SPIDR: variants seen among roughly 807,000 people sequenced by gnomAD.
SPIDR encodes DNA repair-scaffolding protein.
In SPIDR, 93 loss-of-function variants were observed where a neutral mutation model predicts 104.6. The observed-to-expected ratio is 0.89, with a 90% confidence interval of 0.75 to 1.06. The LOEUF is 1.06. SPIDR is among the 50% of genes least tolerant of loss of function. The pLI is 0.00. For missense variants in SPIDR, 1,154 were observed against 1,111.2 expected (o/e 1.04, Z -0.55); for synonymous variants, 431 against 416.9 (o/e 1.03, Z -0.41).
At chr8:47,659,218 C>G (rs1265530200) in intron 10 of SPIDR, among the ~76,000 whole-genome samples, 1 of 152,132 alleles carries the variant, frequency 6.6e-6, no homozygotes, top group Non-Finnish European at 1.5e-5. Flanking sequence ...GAGATGACAG[C>G]ACGGTACTCC....
chr8:47,442,300 T>C (rs1468055051), intron 8 of SPIDR, among the ~76,000 whole-genome samples: 1 of 152,206 alleles, frequency 6.6e-6, no homozygotes, highest in African/African-American at 2.4e-5. Flanking sequence ...CTTCCAGGAT[T>C]TTTAAATTCT....
intron 7 of SPIDR, among the ~76,000 whole-genome samples, chr8:47,423,347 C>T (rs575260405): frequency 2.0e-5 from 3 of 150,724 alleles, no homozygotes; most frequent in African/African-American, 7.3e-5. Flanking sequence ...TGGCTCATGT[C>T]TGTAATCCCA....
At chr8:47,373,886 T>G (rs969444803) in intron 5 of SPIDR, among the ~76,000 whole-genome samples, 1 of 152,254 alleles carries the variant, frequency 6.6e-6, no homozygotes, top group Non-Finnish European at 1.5e-5. Context: ...AAATAAGTTG[T>G]GGTAAGTACT....
intron 10 of SPIDR, 162 bp from the exon 11 acceptor site, chr8:47,673,639 T>G: frequency 3.2e-6 from 3 of 930,958 alleles, no homozygotes; most frequent in East Asian, 2.5e-5. Flanking sequence ...CTACAGTGGA[T>G]TTCTTTTTTT....
intron 16 of SPIDR, among the ~76,000 whole-genome samples, chr8:47,726,118 A>G (rs2084199109): frequency 6.6e-6 from 1 of 152,242 alleles, no homozygotes; most frequent in Non-Finnish European, 1.5e-5. Flanking sequence ...TTCCAGCTGC[A>G]TTACGAGCCT....
intron 8 of SPIDR, among the ~76,000 whole-genome samples, chr8:47,553,593 A>G (rs945666372): frequency 6.6e-6 from 1 of 152,190 alleles, no homozygotes; most frequent in Non-Finnish European, 1.5e-5. Flanking sequence ...TTTCAGCTCC[A>G]TCAGATCATG....
chr8:47,654,294 C>T, intron 10 of SPIDR: 1 of 597,082 alleles, frequency 1.7e-6, no homozygotes, highest in Non-Finnish European at 2.7e-6. Context: ...GGAAGGGCCA[C>T]AAGCAAGGCA....
intron 8 of SPIDR, among the ~76,000 whole-genome samples, chr8:47,594,194 TA>T (rs2061388268): frequency 2.7e-5 from 1 of 36,378 alleles, no homozygotes; most frequent in Non-Finnish European, 4.4e-5. Flanking sequence ...ACCCAGTCTC[TA>T]CAAAAAAAAA....
intron 8 of SPIDR, among the ~76,000 whole-genome samples, chr8:47,447,681 C>T (rs1435361336): frequency 6.6e-6 from 1 of 152,156 alleles, no homozygotes; most frequent in Non-Finnish European, 1.5e-5. Flanking sequence ...TGCCATCAAA[C>T]AGTATCTCAT....
intron 8 of SPIDR, among the ~76,000 whole-genome samples, chr8:47,533,511 A>G (rs2086370367): frequency 6.6e-6 from 1 of 152,218 alleles, no homozygotes; most frequent in South Asian, 2.1e-4. Flanking sequence ...AAATATTTGC[A>G]AACTATGCAT....
intron 7 of SPIDR, among the ~76,000 whole-genome samples, chr8:47,408,686 A>G (rs543993516): frequency 6.6e-6 from 1 of 152,360 alleles, no homozygotes; most frequent in Non-Finnish European, 1.5e-5. Flanking sequence ...TCTTATATCT[A>G]GAAAACCCTA....
intron 14 of SPIDR, among the ~76,000 whole-genome samples, chr8:47,706,086 A>T (rs1375311514): frequency 6.6e-6 from 1 of 152,130 alleles, no homozygotes; most frequent in Non-Finnish European, 1.5e-5. Flanking sequence ...CCACACCCAC[A>T]GTAACCACAG....
chr8:47,547,449 A>G, intron 8 of SPIDR: 1 of 230,670 alleles, frequency 4.3e-6, no homozygotes, highest in Non-Finnish European at 8.6e-6. Flanking sequence ...TATTTTTGAG[A>G]TGGAGTCTCG....
intron 8 of SPIDR, among the ~76,000 whole-genome samples, chr8:47,488,423 A>G (rs1554733793): frequency 1.3e-5 from 2 of 152,234 alleles, no homozygotes; most frequent in African/African-American, 4.8e-5. Flanking sequence ...TACCAGAGGT[A>G]CAAGGAGGAG....
intron 8 of SPIDR, among the ~76,000 whole-genome samples, chr8:47,539,737 CT>C (rs2087730264): frequency 6.6e-6 from 1 of 150,972 alleles, no homozygotes; most frequent in Non-Finnish European, 1.5e-5. Context: ...AGGTCCTTCA[CT>C]TTTCTTCTTA....
rs182004774 is a variant in SPIDR, at chr8:47,475,016, T to C, written c.1097+34474T>C. ...CCAATTCTGTTATGTTGCTTTAAGC[T>C]CCTTTAGACCTCTGGTGAAGCAGCT... is the stretch of plus-strand genomic sequence containing the variant. On this transcript the variant is annotated intron_variant, in intron 8 of 19. Coordinates refer to ENST00000297423, the MANE Select transcript of SPIDR (RefSeq NM_001080394.4). 3.3e-4 allele frequency among the ~76,000 whole-genome samples: 50 copies of C among 152,364 alleles called. 1 individual carries two copies. The Middle Eastern group carries it at 0.02, about 62-fold the overall frequency.
chr8:47,605,821 T>G (rs538806536), intron 10 of SPIDR, among the ~76,000 whole-genome samples: 16 of 152,116 alleles, frequency 1.1e-4, no homozygotes, highest in African/African-American at 3.6e-4. Context: ...CATAGATGCT[T>G]AAAAAAAATA....
At chr8:47,511,541 A>T (rs2082325481) in intron 8 of SPIDR, 5 of 782,118 alleles carry the variant, frequency 6.4e-6, no homozygotes, top group Non-Finnish European at 1.2e-5. Context: ...GATGGGTCTC[A>T]GTAGCTTCTG....
intron 10 of SPIDR, among the ~76,000 whole-genome samples, chr8:47,628,667 T>C (rs761725632): frequency 6.6e-6 from 1 of 152,206 alleles, no homozygotes; most frequent in Admixed American, 6.5e-5. Context: ...TATCTTATTA[T>C]GTCTATGCAA....
Sources: allele counts gnomAD v4.1 joint callset (sites outside exome capture counted in the v4.1 genomes callset), GRCh38; gene constraint gnomAD v4.1.1; transcripts MANE v1.5; gene names NCBI Gene and HGNC (gene_info 2026-07-23, HGNC 2026-07-21).